Variants in IFT46 observed in about 807,000 individuals in gnomAD.
IFT46 encodes the protein intraflagellar transport protein 46 homolog.
In IFT46, 19 loss-of-function variants were observed where a neutral mutation model predicts 39.6. The observed-to-expected ratio is 0.48, with a 90% CI of 0.33 to 0.70. The LOEUF is 0.70. Ranked by LOEUF, IFT46 falls within the 30% of genes least tolerant of loss-of-function variation. The pLI, the probability that IFT46 is intolerant of heterozygous loss-of-function variation, is 0.01. For synonymous variants in IFT46, 117 were observed against 134.8 expected, an observed-to-expected ratio of 0.87 and a Z score of 0.91; for missense variants, 334 against 364.8, an observed-to-expected ratio of 0.92 and a Z score of 0.69.
chr11:118,552,158 C>A, intron 8 of IFT46, 56 bp downstream of exon 8: 4 of 1,601,334 alleles, frequency 2.5e-6, no homozygotes, highest in South Asian at 1.1e-5. Context: ...AGCAACAGTT[C>A]ACAGGTAGTG....
chr11:118,566,418 C>T (rs561596952), upstream of IFT46, among the ~76,000 whole-genome samples: 9 of 152,328 alleles, frequency 5.9e-5, no homozygotes, highest in East Asian at 1.3e-3. Context: ...GTGGGCCGGG[C>T]GCGGTGGCTC....
At position 118,556,186 on chromosome 11, in the gene IFT46, C is replaced by A. The variant is rs556267078; in HGVS notation, c.185+720G>T. 1.6e-4 allele frequency among the ~76,000 whole-genome samples: 25 copies of A among 152,086 alleles called. 1 individual carries two copies. The South Asian group carries it at 4.8e-3, about 29-fold the overall frequency. ...TATGGGCACACACCAGCATGCTCAG[C>A]TAATTTTTAAAAAATTTTTGGGCGG... On this transcript the variant is annotated intron_variant, in intron 4 of 11. Coordinates refer to ENST00000264021, the MANE Select transcript of IFT46 (RefSeq NM_001168618.2).
chr11:118,557,153 T>C (rs1555069705), intron 3 of IFT46, 108 bp from the exon 4 acceptor site: 1 of 1,030,402 alleles, frequency 9.7e-7, no homozygotes, highest in African/African-American at 1.7e-5. Flanking sequence ...TGGCACCTCG[T>C]CACCAGAAAG....
intron 9 of IFT46, chr11:118,546,958 A>T (rs571794312): frequency 6.6e-6 from 1 of 152,368 alleles, no homozygotes; most frequent in East Asian, 1.9e-4. Context: ...AAAACAGAGT[A>T]CATATAGTTC....
chr11:118,551,988 G>T, intron 8 of IFT46, 136 bp from the exon 9 acceptor site: 1 of 1,017,176 alleles, frequency 9.8e-7, no homozygotes, highest in Non-Finnish European at 1.5e-6. Context: ...CCTAGACTGG[G>T]CATACCAAAG....
chr11:118,554,052 CTT>C (rs782067203), intron 7 of IFT46, among the ~76,000 whole-genome samples: 25 of 138,732 alleles, frequency 1.8e-4, no homozygotes, highest in Admixed American at 2.2e-4. Context: ...ATAACCATCT[CTT>C]TTTTTTTTTT....
intron 3 of IFT46, among the ~76,000 whole-genome samples, chr11:118,558,912 C>CAA (rs782109391): frequency 2.8e-5 from 3 of 107,132 alleles, no homozygotes; most frequent in African/African-American, 1.0e-4. Flanking sequence ...GACTCTGTCT[C>CAA]AAAAAAAAAA....
Position 118,556,948 on chromosome 11 carries a change from T to C in IFT46, c.143A>G (p.Asp48Gly). ...DDDDSSETDS[D>G]SDDDDEEHGA... ...ATGCTCTTCATCATCATCATCAGAA[T>C]CAGAATCAGTTTCAGATGAATCATC... Residue 48 changes from aspartate (D) to glycine (G), a missense_variant, in exon 4 of 12, where the codon GAT (aspartate) becomes GGT (glycine). Transcript: ENST00000264021. 1.9e-6 allele frequency: 3 copies of C among 1,609,230 alleles called. No homozygotes were observed. The highest frequency in any genetic ancestry group is 2.5e-6 in the Non-Finnish European group (3 of 1,177,134).
intron 10 of IFT46, 67 bp downstream of exon 10, chr11:118,545,726 A>G: frequency 6.7e-7 from 1 of 1,496,906 alleles, no homozygotes; most frequent in South Asian, 1.1e-5. Context: ...AGAGTAAACA[A>G]GCCTGTCCAA....
intron 7 of IFT46, 33 bp downstream of exon 7, chr11:118,554,426 C>G (rs782175908): frequency 2.6e-6 from 4 of 1,559,740 alleles, no homozygotes; most frequent in Non-Finnish European, 2.6e-6. Context: ...TTGGCCCTCT[C>G]CAGCTGGGGC....
chr11:118,556,352 G>A (rs1937834206), intron 4 of IFT46, among the ~76,000 whole-genome samples: 1 of 152,112 alleles, frequency 6.6e-6, no homozygotes. Flanking sequence ...AATTAGCTGG[G>A]CGTGGTGGCG....
chr11:118,544,703 T>TCTCTGAGGTC lies in IFT46; in HGVS notation c.*212_*213insGACCTCAGAG. ...ACTCAAATCCCCACAGTGGTGTAGA[T>TCTCTGAGGTC]GCATTAACTCCCCGGGGACAGCAAT... On this transcript the variant is annotated 3_prime_UTR_variant, in exon 12 of 12. Coordinates refer to ENST00000264021, the MANE Select transcript of IFT46 (RefSeq NM_001168618.2). 1.8e-6 allele frequency: 1 copy of TCTCTGAGGTC among 556,822 alleles called. No homozygotes were observed. Among genetic ancestry groups the TCTCTGAGGTC allele is most frequent in the South Asian group, 2.2e-5 (1 of 44,706 alleles). The allele number at this position is 556,822 out of a possible 1,614,324, so 34.5% of individuals were successfully genotyped here. A position where few individuals can be genotyped will look rare whatever the true frequency, so the allele number is the denominator to read the frequency against.
At chr11:118,571,703 CATTTTA>C (rs1355103498) in intron 1 of IFT46, among the ~76,000 whole-genome samples, 11 of 152,338 alleles carry the variant, frequency 7.2e-5, no homozygotes, top group Admixed American at 3.3e-4. Flanking sequence ...ATCTTTTGCT[CATTTTA>C]ATTTTGTGTT....
exon 1 of IFT46, chr11:118,572,711 C>G (rs559487373): frequency 1.0e-5 from 8 of 774,152 alleles, no homozygotes; most frequent in Non-Finnish European, 1.6e-5. Flanking sequence ...TGTGCCCGGT[C>G]TCCTGGAGAT....
At chr11:118,572,582 G>A in intron 1 of IFT46, 2 of 1,600,942 alleles carry the variant, frequency 1.2e-6, no homozygotes, top group South Asian at 1.1e-5. Flanking sequence ...GAACTCCTGG[G>A]GTCCGAGCCT....
At chr11:118,560,915 G>A (rs1465999823) in intron 2 of IFT46, 26 of 932,944 alleles carry the variant, frequency 2.8e-5, no homozygotes, top group East Asian at 1.2e-4. Context: ...TATAGTCTGC[G>A]CAGCATATGC....
At chr11:118,550,030 G>A (rs1324036717) in intron 9 of IFT46, among the ~76,000 whole-genome samples, 1 of 151,690 alleles carries the variant, frequency 6.6e-6, no homozygotes, top group Non-Finnish European at 1.5e-5. Context: ...CTGCCCCTGG[G>A]TTCAAGTGAT....
intron 9 of IFT46, among the ~76,000 whole-genome samples, chr11:118,550,772 T>C (rs1951788495): frequency 6.6e-6 from 1 of 152,204 alleles, no homozygotes; most frequent in African/African-American, 2.4e-5. Flanking sequence ...CTCACGCCTA[T>C]AATCCCAGCA....
chr11:118,572,069 G>A (rs1473997348), intron 1 of IFT46, among the ~76,000 whole-genome samples: 4 of 145,346 alleles, frequency 2.8e-5, no homozygotes, highest in Non-Finnish European at 5.9e-5. Flanking sequence ...CAGCCTGGGC[G>A]ACAGAGTGAG....
Sources: allele counts gnomAD v4.1 joint callset (sites outside exome capture counted in the v4.1 genomes callset), GRCh38; gene constraint gnomAD v4.1.1; transcripts MANE v1.5; gene names NCBI Gene and HGNC (gene_info 2026-07-23, HGNC 2026-07-21).